RRM2B: variants seen among roughly 807,000 people sequenced by gnomAD.
RRM2B encodes ribonucleoside-diphosphate reductase subunit M2 B.
RRM2B carries 20 observed loss-of-function variants against 45.9 expected under a neutral mutation model. The ratio of observed to expected loss-of-function variants is 0.44; its 90% confidence interval spans 0.31 to 0.63. The LOEUF is 0.63. Among genes scored for constraint, RRM2B ranks in the 30% least tolerant of loss-of-function variants. RRM2B has a pLI of 0.09. For synonymous variants in RRM2B, 124 were observed against 132.3 expected (o/e 0.94, Z 0.43); for missense variants, 320 against 414.7 (o/e 0.77, Z 1.98).
Position 102,218,901 on chromosome 8 carries a change from T to C in RRM2B, c.597A>G (p.Ser199=). The C allele has an allele frequency of 6.2e-7, 1 of 1,613,554 alleles. No homozygotes were observed. The highest frequency in any genetic ancestry group is 1.1e-5 in the South Asian group (1 of 91,060). ...AFAAVEGVFF[S]GSFAAIFWLK... ...GCCAGAATATAGCAGCAAAAGATCC[T>C]GAGAAGAAAACTCCTTCTACAGCAG... Residue 199 remains serine (S), a synonymous_variant, in exon 6 of 9, where the codon TCA becomes TCG. Transcript: ENST00000251810.
chr8:102,225,837 G>C, intron 3 of RRM2B, 81 bp downstream of exon 3: 1 of 829,854 alleles, frequency 1.2e-6, no homozygotes, highest in South Asian at 1.3e-5. Flanking sequence ...CTTGTCTTTG[G>C]CTGAATTTAA....
At chr8:102,213,816 C>T (rs29000269) in intron 7 of RRM2B, among the ~76,000 whole-genome samples, 5,350 of 151,672 alleles carry the variant, frequency 0.035, 164 homozygotes, top group Admixed American at 0.086. Flanking sequence ...AGAAAAATAG[C>T]CCTGAAACAG....
chr8:102,214,053 C>T lies in RRM2B; in HGVS notation c.789+1G>A. 1 of 1,601,288 alleles carries T rather than the reference C, an allele frequency of 6.2e-7. No individual in the cohort carries two copies. Among genetic ancestry groups the T allele is most frequent in the Non-Finnish European group, 8.6e-7 (1 of 1,168,616 alleles). ...CTAATTACACAAACTTCCCGGTTTA[C>T]CTGCTCAATTTTGACAGCATCAACA... On this transcript the variant is annotated splice_donor_variant, in intron 7 of 8. Coordinates refer to ENST00000251810, the MANE Select transcript of RRM2B (RefSeq NM_015713.5). LOFTEE classifies it high-confidence loss of function.
intron 7 of RRM2B, among the ~76,000 whole-genome samples, chr8:102,213,309 A>T (rs1297997858): frequency 6.6e-6 from 1 of 152,186 alleles, no homozygotes; most frequent in African/African-American, 2.4e-5. Flanking sequence ...AAAATGAGAA[A>T]AAAGAAACAA....
chr8:102,204,928 A>T lies in RRM2B; in HGVS notation c.*3205T>A, dbSNP rs1306684416. 6.6e-6 allele frequency: 1 copy of T among 152,220 alleles called. No homozygotes were observed. Among genetic ancestry groups the T allele is most frequent in the Non-Finnish European group, 1.5e-5 (1 of 68,028 alleles). 9.4% of individuals were successfully genotyped at this position (152,220 alleles called of 1,614,324 possible). A position where few individuals can be genotyped will look rare whatever the true frequency, so the allele number is the denominator to read the frequency against. On this transcript the variant is annotated 3_prime_UTR_variant, in exon 9 of 9. Transcript: ENST00000251810. ...TTAAACAAGATTAAGCCCCAAATTG[A>T]AGGGATTAAATCCTTTCTTCCTAAT...
intron 5 of RRM2B, 49 bp downstream of exon 5, chr8:102,223,997 T>C: frequency 2.3e-6 from 3 of 1,287,758 alleles, no homozygotes; most frequent in Non-Finnish European, 2.3e-6. Flanking sequence ...TAAAATACTG[T>C]CATATCACCT....
At chr8:102,215,137 G>A (rs1466809578) in intron 6 of RRM2B, among the ~76,000 whole-genome samples, 1 of 151,610 alleles carries the variant, frequency 6.6e-6, no homozygotes, top group Non-Finnish European at 1.5e-5. Flanking sequence ...TCCCAGGCTG[G>A]GCATGGTGGC....
chr8:102,214,120 G>A lies in RRM2B; in HGVS notation c.723C>T (p.Tyr241=), dbSNP rs1046479947. The change falls in exon 7 of 9, where the codon TAC becomes TAT. Residue 241 remains tyrosine (Y), a synonymous_variant. Transcript: ENST00000251810. ...HCDFACLMFQ[Y]LVNKPSEERV... ...TTTCTTCTGAAGGCTTATTTACTAAGTATTGGAACATCAGGCAAGCAAAGT... is the reference window on the plus strand; with the variant it reads ...TTTCTTCTGAAGGCTTATTTACTAAATATTGGAACATCAGGCAAGCAAAGT... The A allele has an allele frequency of 6.2e-7, 1 of 1,613,488 alleles. No individual in the cohort carries two copies. The highest frequency in any genetic ancestry group is 1.7e-5 in the Admixed American group (1 of 59,996).
intron 2 of RRM2B, among the ~76,000 whole-genome samples, chr8:102,229,279 A>C (rs199643467): frequency 0.055 from 8,302 of 152,078 alleles, 275 homozygotes; most frequent in Middle Eastern, 0.13. Flanking sequence ...AACAACAAAA[A>C]AAAAAAAACC....
In RRM2B at chr8:102,208,058, A is replaced by T. The variant is rs867417852; in HGVS notation, c.*75T>A. On this transcript the variant is annotated 3_prime_UTR_variant, in exon 9 of 9. Coordinates refer to ENST00000251810, the MANE Select transcript of RRM2B (RefSeq NM_015713.5). ...CAGTCCTTTAAAGGATATACTTAAA[A>T]TTTTTTTTAAGCAGAGGAAAATAGA... The T allele has an allele frequency of 1.1e-4, 144 of 1,321,898 alleles. 1 individual carries two copies. Among genetic ancestry groups the T allele is most frequent in the Middle Eastern group, 7.6e-4 (4 of 5,276 alleles). The allele number at this position is 1,321,898 out of a possible 1,614,324, so 81.9% of individuals were successfully genotyped here.
intron 6 of RRM2B, among the ~76,000 whole-genome samples, chr8:102,216,019 C>T (rs964979795): frequency 2.0e-5 from 3 of 148,656 alleles, no homozygotes; most frequent in Non-Finnish European, 3.0e-5. Flanking sequence ...AGAAAAGTTT[C>T]GATATTTATC....
intron 1 of RRM2B, among the ~76,000 whole-genome samples, chr8:102,232,808 A>C (rs937273876): frequency 1.3e-5 from 2 of 152,238 alleles, no homozygotes; most frequent in African/African-American, 4.8e-5. Flanking sequence ...TATAATACTT[A>C]TCTGAAAACT....
At chr8:102,231,737 C>T (rs1811031858) in intron 2 of RRM2B, among the ~76,000 whole-genome samples, 1 of 151,872 alleles carries the variant, frequency 6.6e-6, no homozygotes, top group East Asian at 1.9e-4. Context: ...GGCGTGGTGG[C>T]TGGCGCCTGT....
At chr8:102,212,139 A>T (rs560867505) in intron 8 of RRM2B, among the ~76,000 whole-genome samples, 1 of 152,316 alleles carries the variant, frequency 6.6e-6, no homozygotes, top group East Asian at 1.9e-4. Flanking sequence ...CAACTCATCA[A>T]CAATCCTTTG....
rs766069649 is a variant in RRM2B, at chr8:102,238,879, C to G, written c.-5G>C. 1.9e-6 allele frequency: 3 copies of G among 1,611,202 alleles called. No individual in the cohort carries two copies. Among genetic ancestry groups the G allele is most frequent in the Non-Finnish European group, 2.5e-6 (3 of 1,179,870 alleles). On this transcript the variant is annotated 5_prime_UTR_variant, in exon 1 of 9. Coordinates refer to ENST00000251810, the MANE Select transcript of RRM2B (RefSeq NM_015713.5). ...CGGCCTTTCCGGGTCGCCCATCGCG[C>G]AGACTCCGCCGAAGCTACGGGCGCT...
chr8:102,225,755 G>A (rs1052784788), intron 3 of RRM2B, among the ~76,000 whole-genome samples, 163 bp downstream of exon 3: 14 of 152,074 alleles, frequency 9.2e-5, no homozygotes, highest in African/African-American at 2.7e-4. Flanking sequence ...ATAGTTTGCT[G>A]GTCAAAGGAT....
chr8:102,238,636 G>A (rs1191755386), intron 1 of RRM2B, 191 bp downstream of exon 1: 1 of 1,533,110 alleles, frequency 6.5e-7, no homozygotes, highest in African/African-American at 1.4e-5. Flanking sequence ...CCCAAAGTCA[G>A]CTCCTTCCTC....
chr8:102,220,524 A>C (rs575000107), intron 5 of RRM2B, among the ~76,000 whole-genome samples: 1 of 152,272 alleles, frequency 6.6e-6, no homozygotes, highest in African/African-American at 2.4e-5. Context: ...AAACAGTCTC[A>C]AACTCCTGGG....
intron 2 of RRM2B, among the ~76,000 whole-genome samples, chr8:102,227,198 T>C (rs750523599): frequency 2.0e-5 from 3 of 152,128 alleles, no homozygotes; most frequent in Non-Finnish European, 4.4e-5. Flanking sequence ...ATGGCTTCCA[T>C]TGGGAATGGA....
Sources: allele counts gnomAD v4.1 joint callset (sites outside exome capture counted in the v4.1 genomes callset), GRCh38; gene constraint gnomAD v4.1.1; transcripts MANE v1.5; gene names NCBI Gene and HGNC (gene_info 2026-07-23, HGNC 2026-07-21).